The following ADAMTS9 variants were observed in gnomAD, a reference collection of about 807,000 sequenced individuals.
The protein encoded by ADAMTS9 is A disintegrin and metalloproteinase with thrombospondin motifs 9.
Under a neutral mutation model 257.1 loss-of-function variants are expected in ADAMTS9, and 107 were observed. That is an observed-to-expected ratio of 0.42 (90% confidence interval 0.36 to 0.49). The LOEUF (loss-of-function observed/expected upper bound fraction) is 0.49. Among genes scored for constraint, ADAMTS9 ranks in the 20% least tolerant of loss-of-function variants. The probability of loss-of-function intolerance (pLI) is 0.03; values close to 1 mark genes in which losing one functional copy is unlikely to be tolerated. For missense variants in ADAMTS9, 2,353 were observed against 2,469.1 expected (o/e 0.95, Z 1.00); for synonymous variants, 982 against 880.9 (o/e 1.11, Z -2.03).
At chr3:64,601,163 T>A (rs1188228603) in intron 26 of ADAMTS9, among the ~76,000 whole-genome samples, 1 of 152,218 alleles carries the variant, frequency 6.6e-6, no homozygotes, top group African/African-American at 2.4e-5. Context: ...ACAATGATAA[T>A]GATAATAATA....
At chr3:64,540,968 A>T in intron 36 of ADAMTS9, 127 bp downstream of exon 36, 2 of 1,293,458 alleles carry the variant, frequency 1.5e-6, no homozygotes, top group Non-Finnish European at 2.1e-6. Context: ...CTTCCTCTCC[A>T]TACTAGCCAA....
intron 26 of ADAMTS9, among the ~76,000 whole-genome samples, chr3:64,600,051 C>CTTTTT (rs35753372): frequency 2.1e-3 from 223 of 104,066 alleles, no homozygotes; most frequent in Non-Finnish European, 3.1e-3. Flanking sequence ...AGTTTCTGTT[C>CTTTTT]TTTTTTTTTT....
At chr3:64,534,668 TG>T (rs1417873517) in intron 37 of ADAMTS9, among the ~76,000 whole-genome samples, 1 of 152,116 alleles carries the variant, frequency 6.6e-6, no homozygotes, top group Non-Finnish European at 1.5e-5. Flanking sequence ...AAGATAGAGG[TG>T]ACCAGAGGAC....
At position 64,574,520 on chromosome 3, in the gene ADAMTS9, T is replaced by G. The variant is rs2083779858; in HGVS notation, c.4357-5985A>C. Among the ~76,000 whole-genome samples, 4 of 130,070 alleles carry G rather than the reference T, an allele frequency of 3.1e-5. No individual in the cohort carries two copies. The South Asian group carries it at 9.3e-4, about 30-fold the overall frequency. 85.3% of individuals were successfully genotyped at this position (130,070 alleles called of 152,430 possible). A position where few individuals can be genotyped will look rare whatever the true frequency, so the allele number is the denominator to read the frequency against. On this transcript the variant is annotated intron_variant, in intron 28 of 39. Coordinates refer to ENST00000498707, the MANE Select transcript of ADAMTS9 (RefSeq NM_182920.2). ...GGAGGATCACTTGAACCCAGGAGTT[T>G]GAGACTGGCCTGGGCAACATGACAA...
chr3:64,683,357 C>T (rs758417286), intron 2 of ADAMTS9, among the ~76,000 whole-genome samples: 4 of 152,148 alleles, frequency 2.6e-5, no homozygotes, highest in Admixed American at 6.5e-5. Flanking sequence ...ACTTTAGTCT[C>T]GTGCCTTTTT....
intron 3 of ADAMTS9, among the ~76,000 whole-genome samples, chr3:64,663,582 T>G (rs1701277583): frequency 6.6e-6 from 1 of 152,026 alleles, no homozygotes; most frequent in South Asian, 2.1e-4. Context: ...AAACAAAGTA[T>G]ACTTATAAAT....
At chr3:64,655,226 G>A (rs1006925567) in intron 6 of ADAMTS9, among the ~76,000 whole-genome samples, 16 of 152,170 alleles carry the variant, frequency 1.1e-4, no homozygotes, top group Non-Finnish European at 1.3e-4. Context: ...TGTTATATAA[G>A]GCATGTATTT....
At chr3:64,646,964 C>G (rs764027193) in intron 11 of ADAMTS9, among the ~76,000 whole-genome samples, 1 of 152,096 alleles carries the variant, frequency 6.6e-6, no homozygotes, top group African/African-American at 2.4e-5. Context: ...GAATTAAGTT[C>G]CATCATCTCT....
chr3:64,536,013 A>C (rs567200157), intron 37 of ADAMTS9, among the ~76,000 whole-genome samples: 1 of 152,228 alleles, frequency 6.6e-6, no homozygotes, highest in Non-Finnish European at 1.5e-5. Flanking sequence ...GAGAAAGGAG[A>C]CTTGATCTGC....
chr3:64,634,950 A>C (rs1357918109), intron 12 of ADAMTS9, among the ~76,000 whole-genome samples: 1 of 152,192 alleles, frequency 6.6e-6, no homozygotes, highest in East Asian at 1.9e-4. Flanking sequence ...TCTTGGTTCC[A>C]ATCTGGCCCT....
intron 37 of ADAMTS9, among the ~76,000 whole-genome samples, chr3:64,538,002 C>T (rs898744825): frequency 6.6e-6 from 1 of 152,194 alleles, no homozygotes; most frequent in Non-Finnish European, 1.5e-5. Context: ...AGAAAGATTG[C>T]TGCTGAGTGG....
intron 22 of ADAMTS9, among the ~76,000 whole-genome samples, chr3:64,611,115 T>A (rs940843486): frequency 2.7e-5 from 4 of 147,882 alleles, no homozygotes; most frequent in African/African-American, 1.0e-4. Context: ...AACTCAGAAT[T>A]ACGGTATGAT....
chr3:64,613,174 G>A (rs538469249), intron 22 of ADAMTS9, among the ~76,000 whole-genome samples, 171 bp downstream of exon 22: 27 of 152,300 alleles, frequency 1.8e-4, no homozygotes, highest in African/African-American at 6.5e-4. Context: ...ATCCTTGGAA[G>A]GGGGGCAAAA....
At chr3:64,637,400 G>T (rs1018440681) in intron 12 of ADAMTS9, among the ~76,000 whole-genome samples, 1 of 152,146 alleles carries the variant, frequency 6.6e-6, no homozygotes. Context: ...GGGATAGGGA[G>T]GGTTTAAGGA....
In ADAMTS9 at chr3:64,631,439, A is replaced by C; in HGVS notation, c.2389+16T>G. 1 of 1,604,364 alleles carries C rather than the reference A, an allele frequency of 6.2e-7. No individual in the cohort carries two copies. Among genetic ancestry groups the C allele is most frequent in the Non-Finnish European group, 8.5e-7 (1 of 1,171,186 alleles). ...ATAGAACCAGAACTCGCAAGTAGTG[A>C]GGCATCCCATCTCACCTAAGTAGTT... On this transcript the variant is annotated intron_variant, in intron 16 of 39. Transcript: ENST00000498707.
chr3:64,518,481 G>T (rs2082808467), intron 39 of ADAMTS9, among the ~76,000 whole-genome samples: 1 of 152,132 alleles, frequency 6.6e-6, no homozygotes, highest in Non-Finnish European at 1.5e-5. Flanking sequence ...CTTTTACTCA[G>T]CAGAAGAATC....
intron 26 of ADAMTS9, among the ~76,000 whole-genome samples, chr3:64,601,165 A>T (rs2084453276): frequency 6.6e-6 from 1 of 152,232 alleles, no homozygotes; most frequent in African/African-American, 2.4e-5. Flanking sequence ...AATGATAATG[A>T]TAATAATAAA....
At position 64,686,614 on chromosome 3, in the gene ADAMTS9, T is replaced by C; in HGVS notation, c.470A>G (p.Asn157Ser). The change falls in exon 2 of 40, where the codon AAT becomes AGT. Residue 157 changes from asparagine (N) to serine (S), a missense_variant. Asn to Ser is a conservative substitution (Grantham distance 46, BLOSUM62 1). This residue lies in a region of ADAMTS9 where 591 missense variants were observed against 569.6 expected (regional missense o/e 1.04). Coordinates refer to ENST00000498707, the MANE Select transcript of ADAMTS9 (RefSeq NM_182920.2). This position sits in a 1 kb window ranked among gnomAD's most constrained non-coding sequence, Gnocchi z 4.6. ...GACGGCCGTGTGCTCGGAGTTGGTA[T>C]TGACATAGCCTTTGTAGAAACAGTG... ...LKHCFYKGYV[N>S]TNSEHTAVIS... 1.9e-6 allele frequency: 3 copies of C among 1,613,826 alleles called. No individual in the cohort carries two copies. The highest frequency in any genetic ancestry group is 2.5e-6 in the Non-Finnish European group (3 of 1,179,936).
At chr3:64,611,211 A>G (rs2084660445) in intron 22 of ADAMTS9, among the ~76,000 whole-genome samples, 1 of 152,180 alleles carries the variant, frequency 6.6e-6, no homozygotes. Context: ...TCATAGCAGC[A>G]CTATTCACAA....
Sources: gnomAD v4.1 joint callset for allele counts (sites outside exome capture counted in the v4.1 genomes callset) on GRCh38, gnomAD v4.1.1 for gene constraint, gnomAD v4.1.1 regional missense constraint, Gnocchi (gnomAD v3.1) non-coding constraint, MANE v1.5 for transcripts, NCBI Gene and HGNC (gene_info 2026-07-23, HGNC 2026-07-21) for gene names.